The following THEMIS variants were observed in gnomAD, a reference collection of about 807,000 sequenced individuals.
The protein encoded by THEMIS is thymocyte selection associated.
In THEMIS, 37 loss-of-function variants were observed where a neutral mutation model predicts 52.6. The observed-to-expected ratio is 0.70, with a 90% CI of 0.54 to 0.93. THEMIS has a LOEUF of 0.93. THEMIS is among the 40% of genes least tolerant of loss of function. THEMIS has a pLI of 0.00. For missense variants in THEMIS, 808 were observed against 763.1 expected, an observed-to-expected ratio of 1.06 and a Z score of -0.69; for synonymous variants, 292 against 272.7, an observed-to-expected ratio of 1.07 and a Z score of -0.70.
intron 4 of THEMIS, among the ~76,000 whole-genome samples, chr6:127,746,072 A>G (rs1278344750): frequency 6.6e-6 from 1 of 151,846 alleles, no homozygotes; most frequent in African/African-American, 2.4e-5. Context: ...ATTTGTTTCC[A>G]ACTCAGTTTA....
chr6:127,914,283 T>C (rs1364988625), intron 1 of THEMIS, among the ~76,000 whole-genome samples: 2 of 152,186 alleles, frequency 1.3e-5, no homozygotes, highest in Admixed American at 6.5e-5. Flanking sequence ...GCTCAACCTG[T>C]ATTGCTCTCC....
intron 4 of THEMIS, among the ~76,000 whole-genome samples, chr6:127,787,874 G>C (rs373418722): frequency 3.1e-5 from 4 of 131,102 alleles, no homozygotes; most frequent in African/African-American, 1.1e-4. Flanking sequence ...TAGATAGATA[G>C]ATAGATATAG....
rs572967749 is a variant in THEMIS at position 127,755,931 on chromosome 6, A to G, written c.1759-36108T>C. 2.0e-5 allele frequency among the ~76,000 whole-genome samples: 3 copies of G among 152,002 alleles called. No individual in the cohort carries two copies. The East Asian group carries it at 5.8e-4, about 29-fold the overall frequency. ...ACTCCCAGCTACTCAGGAGACTGAGAAAGAAGAATTGCTTGAACCCAGGAG... is the reference window on the plus strand; with the variant it reads ...ACTCCCAGCTACTCAGGAGACTGAGGAAGAAGAATTGCTTGAACCCAGGAG... On this transcript the variant is annotated intron_variant, in intron 4 of 5. Coordinates refer to ENST00000368248, the MANE Select transcript of THEMIS (RefSeq NM_001010923.3).
At chr6:127,707,611 A>C (rs1418790874), downstream of THEMIS, among the ~76,000 whole-genome samples, 1 of 152,158 alleles carries the variant, frequency 6.6e-6, no homozygotes, top group Non-Finnish European at 1.5e-5. Context: ...TGGTAAAATC[A>C]AAAGAATATT....
chr6:127,906,971 A>G (rs933131646), intron 1 of THEMIS, among the ~76,000 whole-genome samples: 2 of 151,976 alleles, frequency 1.3e-5, no homozygotes, highest in Admixed American at 1.3e-4. Context: ...AAAATTCACA[A>G]GCAGAGAAAT....
chr6:127,758,678 T>C (rs1215961859), intron 4 of THEMIS, among the ~76,000 whole-genome samples: 1 of 151,980 alleles, frequency 6.6e-6, no homozygotes, highest in East Asian at 1.9e-4. Flanking sequence ...AATATGTGTA[T>C]GCATATCAAG....
intron 4 of THEMIS, among the ~76,000 whole-genome samples, chr6:127,779,479 A>G (rs1461280062): frequency 6.6e-6 from 1 of 152,206 alleles, no homozygotes; most frequent in Non-Finnish European, 1.5e-5. Flanking sequence ...GGTAGAGTTA[A>G]TCATTACTCA....
At chr6:127,767,752 T>G (rs530544945) in intron 4 of THEMIS, among the ~76,000 whole-genome samples, 1 of 152,300 alleles carries the variant, frequency 6.6e-6, no homozygotes, top group South Asian at 2.1e-4. Flanking sequence ...TTTCTTATCA[T>G]TATCGAGTTT....
At chr6:127,875,271 TG>T (rs550455138) in intron 1 of THEMIS, among the ~76,000 whole-genome samples, 52 of 152,344 alleles carry the variant, frequency 3.4e-4, no homozygotes, top group African/African-American at 1.2e-3. Context: ...GAGTTTATTT[TG>T]TTTAACTTAA....
intron 1 of THEMIS, among the ~76,000 whole-genome samples, chr6:127,893,079 G>GT (rs1192235317): frequency 2.6e-5 from 4 of 151,808 alleles, no homozygotes; most frequent in South Asian, 2.1e-4. Context: ...TGTAGTTTGG[G>GT]TTTTTTTGGA....
intron 4 of THEMIS, among the ~76,000 whole-genome samples, chr6:127,761,119 A>G (rs556868551): frequency 3.9e-5 from 6 of 152,286 alleles, no homozygotes; most frequent in African/African-American, 1.4e-4. Flanking sequence ...TCTCCCAAGA[A>G]AACATACAAG....
At chr6:127,793,250 A>C (rs1381461634) in intron 4 of THEMIS, among the ~76,000 whole-genome samples, 2 of 152,206 alleles carry the variant, frequency 1.3e-5, no homozygotes, top group African/African-American at 4.8e-5. Flanking sequence ...GGCAGCCATG[A>C]AGAGGAATCT....
chr6:127,866,434 C>A (rs1779976819), intron 1 of THEMIS, among the ~76,000 whole-genome samples: 1 of 151,858 alleles, frequency 6.6e-6, no homozygotes, highest in Admixed American at 6.6e-5. Context: ...CTTTTCTTAG[C>A]AGATCAAGTC....
intron 4 of THEMIS, among the ~76,000 whole-genome samples, chr6:127,789,953 T>C (rs1777103025): frequency 6.6e-6 from 1 of 152,200 alleles, no homozygotes; most frequent in African/African-American, 2.4e-5. Flanking sequence ...AGTATTCCCT[T>C]TGAAAACCAG....
At chr6:127,729,223 G>C (rs148546836) in intron 4 of THEMIS, among the ~76,000 whole-genome samples, 4 of 134,630 alleles carry the variant, frequency 3.0e-5, no homozygotes, top group Non-Finnish European at 6.1e-5. Flanking sequence ...CCCAGAGGTA[G>C]CAAGCTCATT....
chr6:127,779,763 C>T (rs1776683023), intron 4 of THEMIS, among the ~76,000 whole-genome samples: 1 of 152,044 alleles, frequency 6.6e-6, no homozygotes, highest in Non-Finnish European at 1.5e-5. Context: ...CTCTCTTGGC[C>T]TTTAGTTGCT....
intron 4 of THEMIS, among the ~76,000 whole-genome samples, chr6:127,764,337 A>G (rs1331516189): frequency 2.7e-5 from 4 of 147,014 alleles, no homozygotes; most frequent in Non-Finnish European, 6.0e-5. Flanking sequence ...TTTTTTTTTT[A>G]CTATAGTAAC....
chr6:127,829,595 G>A lies in THEMIS; in HGVS notation c.590C>T (p.Thr197Ile), dbSNP rs199696364. The A allele has an allele frequency of 1.9e-6, 3 of 1,613,940 alleles. No individual in the cohort carries two copies. Among genetic ancestry groups the A allele is most frequent in the South Asian group, 1.1e-5 (1 of 91,088 alleles). ...IVEWKIPKNR[T>I]RTVNLTDFSN... ...AAAATCTGTAAGGTTTACAGTTCTT[G>A]TTCTGTTCTTAGGAATCTTCCATTC... The change falls in exon 3 of 6, where the codon ACA becomes ATA. Residue 197 changes from threonine (T) to isoleucine (I), a missense_variant. Coordinates refer to ENST00000368248, the MANE Select transcript of THEMIS (RefSeq NM_001010923.3).
chr6:127,912,284 C>T (rs962003264), intron 1 of THEMIS, among the ~76,000 whole-genome samples: 11 of 152,124 alleles, frequency 7.2e-5, no homozygotes, highest in African/African-American at 1.7e-4. Flanking sequence ...CCCCATAGTA[C>T]CTAGGAAGTA....
Sources: gnomAD v4.1 joint callset for allele counts (sites outside exome capture counted in the v4.1 genomes callset) on GRCh38, gnomAD v4.1.1 for gene constraint, MANE v1.5 for transcripts, NCBI Gene and HGNC (gene_info 2026-07-23, HGNC 2026-07-21) for gene names.